The following ARGLU1 variants were observed in gnomAD, a reference collection of about 807,000 sequenced individuals.
ARGLU1 encodes arginine and glutamate-rich protein 1.
In ARGLU1, 9 loss-of-function variants were observed where a neutral mutation model predicts 37.6. That is an observed-to-expected ratio of 0.24 (90% confidence interval 0.14 to 0.42). The LOEUF (loss-of-function observed/expected upper bound fraction) is 0.42. ARGLU1 is among the 10% of genes least tolerant of loss of function. The pLI is 1.00. For synonymous variants in ARGLU1, 166 were observed against 138.5 expected (o/e 1.20, Z -1.39); for missense variants, 211 against 359.2 (o/e 0.59, Z 3.34).
intron 3 of ARGLU1, among the ~76,000 whole-genome samples, chr13:106,552,980 G>GT (rs1880570888): frequency 6.6e-6 from 1 of 152,164 alleles, no homozygotes; most frequent in African/African-American, 2.4e-5. Context: ...GGATGAGCTC[G>GT]TGTGGCTAGG....
At chr13:106,547,191 T>A (rs1880415386) in intron 3 of ARGLU1, among the ~76,000 whole-genome samples, 1 of 152,166 alleles carries the variant, frequency 6.6e-6, no homozygotes, top group Admixed American at 6.5e-5. Context: ...GCTTCCCGGC[T>A]TCCAGAACCC....
intron 3 of ARGLU1, among the ~76,000 whole-genome samples, chr13:106,555,656 A>G (rs958094651): frequency 1.3e-5 from 2 of 152,232 alleles, no homozygotes; most frequent in Non-Finnish European, 2.9e-5. Flanking sequence ...GGTTATGACT[A>G]CCAATATTTT....
At position 106,567,358 on chromosome 13, in the gene ARGLU1, T is replaced by A. The variant is rs1303310440; in HGVS notation, c.347+215A>T. Among the ~76,000 whole-genome samples, 1 of 151,982 alleles carries A rather than the reference T, an allele frequency of 6.6e-6. No homozygotes were observed. The highest frequency in any genetic ancestry group is 1.5e-5 in the Non-Finnish European group (1 of 67,990). Reference sequence around the variant, plus strand: ...TCTGCTCAAGCCCTCGAATTTTCCATCCCGAACAACTTCTGGGTCTGTCCC... The same window carrying A: ...TCTGCTCAAGCCCTCGAATTTTCCAACCCGAACAACTTCTGGGTCTGTCCC... On this transcript the variant is annotated intron_variant, in intron 1 of 3. Coordinates refer to ENST00000400198, the MANE Select transcript of ARGLU1 (RefSeq NM_018011.4). The surrounding 1 kb of genome is among the most constrained non-coding windows in gnomAD (Gnocchi z 4.3).
At chr13:106,554,631 A>G (rs546808912) in intron 3 of ARGLU1, among the ~76,000 whole-genome samples, 1 of 152,306 alleles carries the variant, frequency 6.6e-6, no homozygotes, top group East Asian at 1.9e-4. Context: ...TCACGCCTGT[A>G]ATCCCAGCAC....
chr13:106,555,767 C>T (rs1880647694), intron 3 of ARGLU1, among the ~76,000 whole-genome samples: 1 of 152,054 alleles, frequency 6.6e-6, no homozygotes, highest in South Asian at 2.1e-4. Context: ...CCCTAGCTAC[C>T]ACAGGGTCAG....
Position 106,542,685 on chromosome 13 carries a change from G to C in ARGLU1, c.*1311C>G, listed in dbSNP as rs112988491. The C allele has an allele frequency of 3.9e-4, 59 of 152,088 alleles. No individual in the cohort carries two copies. The highest frequency in any genetic ancestry group is 1.3e-3 in the African/African-American group (53 of 41,524). 9.4% of individuals were successfully genotyped at this position (152,088 alleles called of 1,614,324 possible). On this transcript the variant is annotated 3_prime_UTR_variant, in exon 4 of 4. Coordinates refer to ENST00000400198, the MANE Select transcript of ARGLU1 (RefSeq NM_018011.4). ...AAATATTTTCTCTACTTGATGACAT[G>C]TTTATGCATCTCAGGTAGCATTTTA...
chr13:106,566,065 T>C (rs148249390), intron 1 of ARGLU1, among the ~76,000 whole-genome samples: 1 of 152,362 alleles, frequency 6.6e-6, no homozygotes, highest in Non-Finnish European at 1.5e-5. Context: ...CATCTGTTGA[T>C]AGCTATTTGA....
At chr13:106,558,222 A>G (rs1566473965) in intron 2 of ARGLU1, 2 of 984,780 alleles carry the variant, frequency 2.0e-6, no homozygotes, top group Admixed American at 6.2e-5. Context: ...TACTCCAAAA[A>G]TATCTTCATT....
intron 3 of ARGLU1, among the ~76,000 whole-genome samples, chr13:106,548,154 G>A (rs1178288687): frequency 1.3e-5 from 2 of 151,878 alleles, no homozygotes; most frequent in Admixed American, 6.6e-5. Context: ...ATGGCTTTAG[G>A]CATAAATCTT....
intron 3 of ARGLU1, among the ~76,000 whole-genome samples, chr13:106,554,970 T>C (rs924379720): frequency 1.3e-5 from 2 of 152,166 alleles, no homozygotes; most frequent in African/African-American, 2.4e-5. Context: ...ATGTTAAATA[T>C]GTTCAAATTC....
chr13:106,553,994 T>C (rs1237698806), intron 3 of ARGLU1, among the ~76,000 whole-genome samples: 1 of 152,178 alleles, frequency 6.6e-6, no homozygotes, highest in East Asian at 1.9e-4. Flanking sequence ...CCAAAGGCCT[T>C]TGCCCTGTTT....
chr13:106,555,699 TTA>T (rs1328040551), intron 3 of ARGLU1, among the ~76,000 whole-genome samples: 1 of 152,226 alleles, frequency 6.6e-6, no homozygotes, highest in African/African-American at 2.4e-5. Flanking sequence ...GTCATATTTT[TTA>T]TTTTTCATGT....
intron 3 of ARGLU1, among the ~76,000 whole-genome samples, chr13:106,555,372 C>T (rs1456546691): frequency 6.6e-6 from 1 of 151,942 alleles, no homozygotes; most frequent in African/African-American, 2.4e-5. Flanking sequence ...AAAAACAAAA[C>T]AAAGCAAGAA....
At chr13:106,554,519 ATTTT>A (rs1222830334) in intron 3 of ARGLU1, among the ~76,000 whole-genome samples, 2 of 152,156 alleles carry the variant, frequency 1.3e-5, no homozygotes, top group African/African-American at 2.4e-5. Flanking sequence ...ATCTTTATAC[ATTTT>A]TTGTCTCCTC....
At chr13:106,566,977 G>A (rs893201842) in intron 1 of ARGLU1, among the ~76,000 whole-genome samples, 3 of 151,702 alleles carry the variant, frequency 2.0e-5, no homozygotes, top group Non-Finnish European at 1.5e-5. Context: ...GAGGGTGTAG[G>A]CTCAAGGGGA....
chr13:106,566,330 G>A lies in ARGLU1; in HGVS notation c.347+1243C>T, dbSNP rs574480277. Among the ~76,000 whole-genome samples, 3 of 152,306 alleles carry A rather than the reference G, an allele frequency of 2.0e-5. No individual in the cohort carries two copies. In the East Asian group the frequency reaches 5.8e-4, roughly 29 times the overall value. ...GGTTTTAGAAACAAGCTGTGTGTGT[G>A]TGCTGGAAAATCTACCTAACACAAA... On this transcript the variant is annotated intron_variant, in intron 1 of 3. Transcript: ENST00000400198.
intron 1 of ARGLU1, among the ~76,000 whole-genome samples, chr13:106,560,586 T>TA (rs2138974027): frequency 6.6e-6 from 1 of 152,306 alleles, no homozygotes; most frequent in Non-Finnish European, 1.5e-5. Context: ...ATATTTTGGA[T>TA]AAAAATATAC....
chr13:106,563,552 C>T (rs776434530), intron 1 of ARGLU1, among the ~76,000 whole-genome samples: 15 of 152,078 alleles, frequency 9.9e-5, no homozygotes, highest in Non-Finnish European at 1.9e-4. Flanking sequence ...ATTTGTAATC[C>T]CAGCACTTTG....
chr13:106,557,090 C>T lies in ARGLU1; in HGVS notation c.615G>A (p.Leu205=). 6.2e-7 allele frequency: 1 copy of T among 1,614,070 alleles called. No individual in the cohort carries two copies. The highest frequency in any genetic ancestry group is 8.5e-7 in the Non-Finnish European group (1 of 1,179,950). ...CTGCAATTTTTCGGTTATTCTCTTC[C>T]AGTATTCGCTCTAGCTCCTCACGTT... The part of the protein sequence containing the change: ...RAKREELERI[L]EENNRKIAEA... Residue 205 remains leucine (L), a synonymous_variant, in exon 3 of 4, where the codon CTG becomes CTA. Transcript: ENST00000400198. This position sits in a 1 kb window ranked among gnomAD's most constrained non-coding sequence, Gnocchi z 5.0.
Sources: gnomAD v4.1 joint callset for allele counts (sites outside exome capture counted in the v4.1 genomes callset) on GRCh38, gnomAD v4.1.1 for gene constraint, Gnocchi (gnomAD v3.1) non-coding constraint, MANE v1.5 for transcripts, NCBI Gene and HGNC (gene_info 2026-07-23, HGNC 2026-07-21) for gene names.